Variants in USP18 observed in about 807,000 individuals in gnomAD.
USP18 encodes ubl carboxyl-terminal hydrolase 18.
In USP18, 11 loss-of-function variants were observed where a neutral mutation model predicts 48.7. The ratio of observed to expected loss-of-function variants is 0.23; its 90% CI spans 0.14 to 0.37. USP18 has a LOEUF of 0.37. Ranked by LOEUF, USP18 falls within the 10% of genes least tolerant of loss-of-function variation. USP18 has a pLI of 1.00. For missense variants in USP18, 285 were observed against 436.4 expected (o/e 0.65, Z 3.09); for synonymous variants, 114 against 163.2 (o/e 0.70, Z 2.30).
At chr22:18,169,977 TG>T in intron 7 of USP18, 38 bp downstream of exon 7, 1 of 1,547,922 alleles carries the variant, frequency 6.5e-7, no homozygotes, top group Non-Finnish European at 8.7e-7. Context: ...TGTCCCTCGG[TG>T]CATATGGGGG....
chr22:18,165,783 C>T (rs1187326220), intron 4 of USP18, among the ~76,000 whole-genome samples: 1 of 149,540 alleles, frequency 6.7e-6, no homozygotes, highest in Non-Finnish European at 1.5e-5. Flanking sequence ...CTTTCACCCA[C>T]TAGGAAGGCA....
intron 4 of USP18, among the ~76,000 whole-genome samples, chr22:18,165,895 TC>T: frequency 6.7e-6 from 1 of 150,358 alleles, no homozygotes; most frequent in South Asian, 2.1e-4. Flanking sequence ...CATTGCTCAC[TC>T]CCCCCACCCC....
intron 10 of USP18, among the ~76,000 whole-genome samples, chr22:18,174,901 C>G (rs529548055): frequency 6.6e-6 from 1 of 151,686 alleles, no homozygotes; most frequent in South Asian, 2.1e-4. Flanking sequence ...GGCCATCACA[C>G]TGTTTTTTTG....
intron 1 of USP18, among the ~76,000 whole-genome samples, chr22:18,157,089 CA>C (rs1929177883): frequency 6.6e-6 from 1 of 152,222 alleles, no homozygotes; most frequent in Non-Finnish European, 1.5e-5. Flanking sequence ...AGCCTGCCTG[CA>C]GCTAAGGTTT....
chr22:18,157,270 G>A (rs940899927), intron 1 of USP18, among the ~76,000 whole-genome samples: 1 of 152,234 alleles, frequency 6.6e-6, no homozygotes, highest in Non-Finnish European at 1.5e-5. Flanking sequence ...ACTGAAGTGG[G>A]CCTGGTCCTG....
At chr22:18,156,434 CTT>C (rs1556609343) in intron 1 of USP18, among the ~76,000 whole-genome samples, 3 of 152,212 alleles carry the variant, frequency 2.0e-5, no homozygotes, top group South Asian at 2.1e-4. Context: ...ACTGCTCACT[CTT>C]TGGGTCCACA....
chr22:18,150,697 G>C (rs1269911796), intron 1 of USP18, among the ~76,000 whole-genome samples: 1 of 152,234 alleles, frequency 6.6e-6, no homozygotes, highest in East Asian at 1.9e-4. Context: ...CGGGTACGGT[G>C]GCTCACGCCT....
chr22:18,175,044 G>T (rs1929746685), intron 10 of USP18, among the ~76,000 whole-genome samples: 1 of 152,190 alleles, frequency 6.6e-6, no homozygotes, highest in Non-Finnish European at 1.5e-5. Context: ...CTCCTGAGTA[G>T]CTGGGATTAC....
At chr22:18,162,115 A>G (rs1222560727) in intron 4 of USP18, among the ~76,000 whole-genome samples, 180 bp downstream of exon 4, 1 of 152,146 alleles carries the variant, frequency 6.6e-6, no homozygotes, top group African/African-American at 2.4e-5. Flanking sequence ...CAGAATTGAT[A>G]TTATTTATGG....
At chr22:18,153,907 G>A (rs9617683) in intron 1 of USP18, among the ~76,000 whole-genome samples, 2,808 of 151,892 alleles carry the variant, frequency 0.018, 93 homozygotes, top group African/African-American at 0.064. Context: ...CTCTTGTAAT[G>A]GCTGAATAAC....
At chr22:18,165,735 G>C (rs1193207433) in intron 4 of USP18, among the ~76,000 whole-genome samples, 8 of 151,264 alleles carry the variant, frequency 5.3e-5, no homozygotes, top group African/African-American at 1.9e-4. Context: ...CTCCCTGCCA[G>C]GGGGTGGCTT....
Position 18,167,346 on chromosome 22 carries a change from G to A in USP18, c.480+12G>A, listed in dbSNP as rs752863197. 9.9e-6 allele frequency: 16 copies of A among 1,613,484 alleles called. No homozygotes were observed. In the South Asian group the frequency reaches 1.8e-4, roughly 18 times the overall value. On this transcript the variant is annotated intron_variant, in intron 5 of 10. Transcript: ENST00000215794. ...CTGATGTGCACTTGGTAAGAACCTA[G>A]AACCAGAGCACTCGGAAGCTTAAGA...
intron 4 of USP18, among the ~76,000 whole-genome samples, chr22:18,164,655 A>G (rs2530579): frequency 0.18 from 27,191 of 150,064 alleles, 2,413 homozygotes; most frequent in Non-Finnish European, 0.21. Context: ...TTCCAGGGAG[A>G]AACTGGAAGC....
chr22:18,152,990 T>C (rs1304107973), intron 1 of USP18, among the ~76,000 whole-genome samples: 1 of 152,226 alleles, frequency 6.6e-6, no homozygotes, highest in Non-Finnish European at 1.5e-5. Flanking sequence ...TCTTTCTTGC[T>C]GATGGAATTG....
At chr22:18,151,578 A>G (rs373889653) in intron 1 of USP18, among the ~76,000 whole-genome samples, 62 of 152,286 alleles carry the variant, frequency 4.1e-4, no homozygotes, top group South Asian at 2.1e-4. Flanking sequence ...CTTTTACACA[A>G]TGATGAGCTT....
intron 8 of USP18, among the ~76,000 whole-genome samples, chr22:18,171,460 G>A (rs947139045): frequency 1.4e-5 from 2 of 139,522 alleles, no homozygotes; most frequent in Non-Finnish European, 3.0e-5. Flanking sequence ...TGAGACCCCC[G>A]TCTCTCAAAA....
chr22:18,170,698 TCTGA>T (rs1929605805), intron 7 of USP18, 51 bp from the exon 8 acceptor site: 5 of 1,599,878 alleles, frequency 3.1e-6, no homozygotes, highest in Non-Finnish European at 4.3e-6. Flanking sequence ...CTGACATTTC[TCTGA>T]CTCTCTCATT....
rs1264106225 is a variant in USP18, at chr22:18,160,176, G to A, written c.162G>A (p.Leu54=). The change falls in exon 3 of 11, where the codon CTG becomes CTA. Residue 54 remains leucine (L), a synonymous_variant. Coordinates refer to ENST00000215794, the MANE Select transcript of USP18 (RefSeq NM_017414.4). ...TTTTTTCTCTTCCCCTTATAGGCCT[G>A]GTTGGTTTACACAACATTGGACAGA... ...RPRAWDYPHG[L]VGLHNIGQTC... The A allele has an allele frequency of 1.2e-6, 2 of 1,613,922 alleles. No individual in the cohort carries two copies. The highest frequency in any genetic ancestry group is 2.7e-5 in the African/African-American group (2 of 74,888).
rs541528647 is a variant in USP18, at chr22:18,174,733, C to A, written c.1073+891C>A. Among the ~76,000 whole-genome samples, 16 of 152,162 alleles carry A rather than the reference C, an allele frequency of 1.1e-4. No homozygotes were observed. In the South Asian group the frequency reaches 1.5e-3, roughly 14 times the overall value. ...CCTCCTGAATAGCTGGGACTACAGG[C>A]ATACAGTCTGTACACCATGCTTGGC... On this transcript the variant is annotated intron_variant, in intron 10 of 10. Coordinates refer to ENST00000215794, the MANE Select transcript of USP18 (RefSeq NM_017414.4).
Sources: gnomAD v4.1 joint callset for allele counts (sites outside exome capture counted in the v4.1 genomes callset) on GRCh38, gnomAD v4.1.1 for gene constraint, MANE v1.5 for transcripts, NCBI Gene and HGNC (gene_info 2026-07-23, HGNC 2026-07-21) for gene names.